WDR82: variants seen among roughly 807,000 people sequenced by gnomAD.
The protein encoded by WDR82 is WD repeat domain 82, also known as WD repeat-containing protein 82.
WDR82 carries 8 observed loss-of-function variants against 36.1 expected under a neutral mutation model. That is an observed-to-expected ratio of 0.22 (90% CI 0.13 to 0.40). The LOEUF (loss-of-function observed/expected upper bound fraction) is 0.40. WDR82 is among the 10% of genes least tolerant of loss of function. The pLI is 1.00. For synonymous variants in WDR82, 129 were observed against 137.8 expected (o/e 0.94, Z 0.45); for missense variants, 185 against 400.5 (o/e 0.46, Z 4.59).
intron 6 of WDR82, 31 bp downstream of exon 6, chr3:52,259,686 A>G: frequency 1.3e-6 from 2 of 1,595,990 alleles, no homozygotes; most frequent in Non-Finnish European, 1.7e-6. Flanking sequence ...ATGAGCATGG[A>G]AACAGCCATG....
chr3:52,276,841 C>T (rs926651041), intron 1 of WDR82, among the ~76,000 whole-genome samples: 2 of 152,120 alleles, frequency 1.3e-5, no homozygotes, highest in Admixed American at 6.6e-5. Context: ...GACCACTCTG[C>T]CACAAACTGC....
Position 52,257,345 on chromosome 3 carries a change from T to C in WDR82, c.*145A>G. 2.7e-6 allele frequency: 3 copies of C among 1,091,300 alleles called. No individual in the cohort carries two copies. The highest frequency in any genetic ancestry group is 2.7e-5 in the South Asian group (2 of 74,072). The allele number at this position is 1,091,300 out of a possible 1,614,324, so 67.6% of individuals were successfully genotyped here. A position where few individuals can be genotyped will look rare whatever the true frequency, so the allele number is the denominator to read the frequency against. On this transcript the variant is annotated 3_prime_UTR_variant, in exon 9 of 9. Transcript: ENST00000296490. ...AAGTAATTATTTTCTTTTGAGCAGA[T>C]GTACAGCACATCCATGGGAAGGCCA...
chr3:52,257,664 T>C, intron 8 of WDR82, 145 bp from the exon 9 acceptor site: 1 of 811,068 alleles, frequency 1.2e-6, no homozygotes, highest in Admixed American at 2.2e-5. Context: ...CCCGATGCTC[T>C]AAGGAGACAG....
In WDR82 at chr3:52,278,284, G is replaced by A; in HGVS notation, c.78C>T (p.Cys26=). The A allele has an allele frequency of 1.2e-6, 2 of 1,611,064 alleles. No homozygotes were observed. The highest frequency in any genetic ancestry group is 1.1e-5 in the South Asian group (1 of 90,828). ...VFRENSDKIN[C]FDFSPNGETV... ...TCTCGCCGTTGGGGCTGAAATCGAA[G>A]CAGTTAATCTTGTCCGAGTTTTCGC... Residue 26 remains cysteine (C), a synonymous_variant, in exon 1 of 9, where the codon TGC becomes TGT. Coordinates refer to ENST00000296490, the MANE Select transcript of WDR82 (RefSeq NM_025222.4).
chr3:52,276,615 A>G (rs1559457299), intron 1 of WDR82, among the ~76,000 whole-genome samples: 1 of 152,182 alleles, frequency 6.6e-6, no homozygotes, highest in Non-Finnish European at 1.5e-5. Context: ...TAATCTGTGC[A>G]TAAGCACTAT....
Position 52,278,258 on chromosome 3 carries a change from G to A in WDR82, c.104C>T (p.Thr35Met). The A allele has an allele frequency of 6.2e-7, 1 of 1,611,278 alleles. No individual in the cohort carries two copies. Among genetic ancestry groups the A allele is most frequent in the East Asian group, 2.3e-5 (1 of 44,268 alleles). ...NCFDFSPNGE[T>M]VISSSDDDSI... ...GTCGTCGTCGCTACTCGAGATGACCGTCTCGCCGTTGGGGCTGAAATCGAA... is the reference window on the plus strand; with the variant it reads ...GTCGTCGTCGCTACTCGAGATGACCATCTCGCCGTTGGGGCTGAAATCGAA... The change falls in exon 1 of 9, where the codon ACG (threonine) becomes ATG (methionine). Residue 35 changes from threonine to methionine, a missense_variant. Around this residue, in one of 3 missense-constraint regions of WDR82, gnomAD observed 49 missense variants for 80.6 expected, o/e 0.61. Coordinates refer to ENST00000296490, the MANE Select transcript of WDR82 (RefSeq NM_025222.4).
chr3:52,277,292 A>C (rs1700213747), intron 1 of WDR82, among the ~76,000 whole-genome samples: 1 of 151,298 alleles, frequency 6.6e-6, no homozygotes, highest in Non-Finnish European at 1.5e-5. Context: ...CCCAGGGAAA[A>C]AGGCAAAGTG....
chr3:52,259,691 G>A, intron 6 of WDR82, 26 bp downstream of exon 6: 1 of 1,599,278 alleles, frequency 6.3e-7, no homozygotes, highest in Non-Finnish European at 8.5e-7. Context: ...CATGGAAACA[G>A]CCATGCTTGA....
At chr3:52,260,153 A>G (rs998733734) in intron 5 of WDR82, among the ~76,000 whole-genome samples, 4 of 152,158 alleles carry the variant, frequency 2.6e-5, no homozygotes, top group Non-Finnish European at 5.9e-5. Flanking sequence ...CAACATGGTG[A>G]AACCCATCTC....
rs754099991 is a variant in WDR82, at chr3:52,278,182, G to C, written c.161+19C>G. 2 of 1,583,156 alleles carry C rather than the reference G, an allele frequency of 1.3e-6. No individual in the cohort carries two copies. The highest frequency in any genetic ancestry group is 1.1e-5 in the South Asian group (1 of 88,664). ...AGGGAGGCACTGAGACTCGGGCCCA[G>C]GGCCTCCGCCGCACTCACTTGCCCT... On this transcript the variant is annotated intron_variant, in intron 1 of 8. Coordinates refer to ENST00000296490, the MANE Select transcript of WDR82 (RefSeq NM_025222.4).
chr3:52,274,944 C>T (rs1326334294), intron 1 of WDR82, among the ~76,000 whole-genome samples: 1 of 152,078 alleles, frequency 6.6e-6, no homozygotes, highest in Non-Finnish European at 1.5e-5. Flanking sequence ...AAAGAAAGGC[C>T]GGGCGCAGTG....
chr3:52,267,318 T>G (rs147684866), intron 2 of WDR82: 2 of 272,554 alleles, frequency 7.3e-6, no homozygotes, highest in Non-Finnish European at 1.4e-5. Flanking sequence ...AAATATACCC[T>G]GGTCAAAAAA....
intron 6 of WDR82, among the ~76,000 whole-genome samples, chr3:52,259,497 A>G (rs998128179): frequency 6.6e-6 from 1 of 152,242 alleles, no homozygotes; most frequent in Non-Finnish European, 1.5e-5. Context: ...TATTGTTAGG[A>G]AATTATTTTA....
In WDR82 at chr3:52,270,822, T is replaced by G. The variant is rs1360718073; in HGVS notation, c.162-13A>C. On this transcript the variant is annotated splice_polypyrimidine_tract_variant and intron_variant, in intron 1 of 8. Coordinates refer to ENST00000296490, the MANE Select transcript of WDR82 (RefSeq NM_025222.4). ...GGTTCTCTTTGGTCTGATAAGAAAA[T>G]AGAGACAGAAAATCATGAACATTCT... is the stretch of plus-strand genomic sequence containing the variant. The G allele has an allele frequency of 1.9e-6, 3 of 1,559,640 alleles. No individual in the cohort carries two copies.
intron 4 of WDR82, among the ~76,000 whole-genome samples, chr3:52,261,124 TC>T (rs368209948): frequency 6.6e-6 from 1 of 151,966 alleles, no homozygotes; most frequent in African/African-American, 2.4e-5. Context: ...AAACCCTGTC[TC>T]AAAACAAAAA....
chr3:52,262,259 A>G (rs1700068289), intron 3 of WDR82, among the ~76,000 whole-genome samples: 1 of 152,234 alleles, frequency 6.6e-6, no homozygotes, highest in East Asian at 1.9e-4. Context: ...GGGAGTGATT[A>G]CTAATGGGTA....
At chr3:52,270,970 C>T (rs891331385) in intron 1 of WDR82, among the ~76,000 whole-genome samples, 161 bp from the exon 2 acceptor site, 1 of 152,186 alleles carries the variant, frequency 6.6e-6, no homozygotes, top group African/African-American at 2.4e-5. Flanking sequence ...GAAAAAACAA[C>T]GCTCAAGCAA....
intron 1 of WDR82, among the ~76,000 whole-genome samples, chr3:52,272,268 G>T (rs1343515788): frequency 6.6e-6 from 1 of 152,054 alleles, no homozygotes; most frequent in African/African-American, 2.4e-5. Flanking sequence ...TTTAGGCTGG[G>T]CGTGGTGGCT....
chr3:52,264,623 T>G (rs1700089328), intron 3 of WDR82, among the ~76,000 whole-genome samples: 1 of 151,902 alleles, frequency 6.6e-6, no homozygotes, highest in Non-Finnish European at 1.5e-5. Context: ...ATAAGTAGAT[T>G]TAAGATAAGA....
Sources: gnomAD v4.1 joint callset for allele counts (sites outside exome capture counted in the v4.1 genomes callset) on GRCh38, gnomAD v4.1.1 for gene constraint, gnomAD v4.1.1 regional missense constraint, MANE v1.5 for transcripts, NCBI Gene and HGNC (gene_info 2026-07-23, HGNC 2026-07-21) for gene names.